USP9X: variants seen among roughly 807,000 people sequenced by gnomAD.
USP9X encodes the protein ubiquitin carboxyl-terminal hydrolase 9X.
In USP9X, 7 loss-of-function variants were observed where a neutral mutation model predicts 190.3. The ratio of observed to expected loss-of-function variants is 0.04; its 90% CI spans 0.02 to 0.07. The LOEUF (loss-of-function observed/expected upper bound fraction) is 0.07, where lower values mean the gene tolerates loss of function less well. Ranked by LOEUF, USP9X falls within the 10% of genes least tolerant of loss-of-function variation. USP9X has a pLI of 1.00. For synonymous variants in USP9X, 645 were observed against 659.5 expected (o/e 0.98, Z 0.34); for missense variants, 1,010 against 1,916.9 (o/e 0.53, Z 8.83).
Position 41,152,949 on chromosome X carries a change from C to G in USP9X, c.1765C>G (p.Gln589Glu). The G allele has an allele frequency of 8.3e-7, 1 of 1,207,448 alleles. No homozygotes were observed. Among genetic ancestry groups the G allele is most frequent in the Non-Finnish European group, 1.1e-6 (1 of 893,416 alleles). The change falls in exon 14 of 45, where the codon CAA becomes GAA. Residue 589 changes from glutamine to glutamate, a missense_variant and splice_region_variant. Coordinates refer to ENST00000378308, the MANE Select transcript of USP9X (RefSeq NM_001039591.3). ...LFGEAPQNLS[Q>E]TQRSPHVFYR... ...ATTGTTAAGTTCTTCTCGTTTCAGT[C>G]AAACTCAGCGAAGTCCCCATGTGTT...
At chrX:41,229,083 C>T (rs888876622) in intron 41 of USP9X, 170 bp from the exon 42 acceptor site, 16 of 342,386 alleles carry the variant, frequency 4.7e-5, no homozygotes, top group Non-Finnish European at 7.1e-5. Flanking sequence ...CAGCCCAGGC[C>T]GTCTCAAAAA....
At chrX:41,131,145 T>A (rs969613383) in intron 3 of USP9X, among the ~76,000 whole-genome samples, 1 of 111,077 alleles carries the variant, frequency 9.0e-6, no homozygotes, top group Non-Finnish European at 1.9e-5. Context: ...AACAAAAATA[T>A]CCATGATACC....
intron 14 of USP9X, among the ~76,000 whole-genome samples, chrX:41,159,785 A>T (rs2062612907): frequency 9.0e-6 from 1 of 111,109 alleles, no homozygotes. Context: ...CAGCCTCCCA[A>T]AGTGCTGGAA....
chrX:41,123,064 T>G (rs1334104989), intron 1 of USP9X, among the ~76,000 whole-genome samples: 1 of 111,757 alleles, frequency 8.9e-6, no homozygotes, highest in African/African-American at 3.3e-5. Context: ...ATGCCTGTTC[T>G]CATTTAGGGC....
At chrX:41,217,108 AG>A in intron 35 of USP9X, 111 bp from the exon 36 acceptor site, 1 of 859,571 alleles carries the variant, frequency 1.2e-6, no homozygotes, top group Non-Finnish European at 1.6e-6. Flanking sequence ...AAGTAGCCTG[AG>A]AAGGGTTCTT....
At chrX:41,125,398 G>A (rs1053567685) in intron 2 of USP9X, among the ~76,000 whole-genome samples, 6 of 107,645 alleles carry the variant, frequency 5.6e-5, no homozygotes, top group Admixed American at 2.0e-4. Flanking sequence ...TTTTTTAAGT[G>A]GAGGAATTTT....
rs371080380 is a variant in USP9X at position 41,217,233 on chromosome X, G to A, written c.6099G>A (p.Leu2033=). 4.2e-6 allele frequency: 5 copies of A among 1,204,016 alleles called. No individual in the cohort carries two copies. In the African/African-American group the frequency reaches 8.8e-5, roughly 21 times the overall value. Residue 2033 remains leucine, a synonymous_variant, in exon 36 of 45, where the codon CTG becomes CTA. Coordinates refer to ENST00000378308, the MANE Select transcript of USP9X (RefSeq NM_001039591.3). The part of the protein sequence containing the change: ...YLNPPPGQDH[L]LPEAEEITMI... ...TTTTATTTATAGGGCAAGATCACCT[G>A]TTGCCTGAAGCAGAAGAAATCACTA... is the stretch of plus-strand genomic sequence containing the variant.
Position 41,198,757 on chromosome X carries a change from A to G in USP9X, c.4603+7A>G, listed in dbSNP as rs771267138. On this transcript the variant is annotated splice_region_variant and intron_variant, in intron 30 of 44. Transcript: ENST00000378308. ...ATTGGCACAGCAATAACTAGTAAGT[A>G]TTTTTAATAGAATGTGATAATTGAT... 2.6e-6 allele frequency: 3 copies of G among 1,155,245 alleles called. No homozygotes were observed. The highest frequency in any genetic ancestry group is 3.8e-5 in the South Asian group (2 of 53,146).
chrX:41,218,662 C>T (rs1001468091), intron 37 of USP9X, 65 bp downstream of exon 37: 137 of 1,051,945 alleles, frequency 1.3e-4, no homozygotes, highest in Non-Finnish European at 1.7e-4. Flanking sequence ...TCCTGGAAGT[C>T]GAAGTCACAA....
At chrX:41,127,501 A>G (rs1445968359) in intron 2 of USP9X, among the ~76,000 whole-genome samples, 1 of 112,237 alleles carries the variant, frequency 8.9e-6, no homozygotes, top group Non-Finnish European at 1.9e-5. Context: ...CTACCTGTAT[A>G]TCAGGGGGCA....
Position 41,186,430 on chromosome X carries a change from A to C in USP9X, c.3559-87A>C, listed in dbSNP as rs1052901564. The C allele has an allele frequency of 9.4e-6, 10 of 1,061,593 alleles. No homozygotes were observed. In the African/African-American group the frequency reaches 1.7e-4, roughly 18 times the overall value. The allele number at this position is 1,061,593 out of a possible 1,213,427, so 87.5% of individuals were successfully genotyped here. On this transcript the variant is annotated intron_variant, in intron 23 of 44. Transcript: ENST00000378308. ...TGTATATGCAAGGAAGTCGTTCTGC[A>C]GGAGTGGGTGATGAATGAAGAGCAA...
chrX:41,235,846 C>T lies in USP9X; in HGVS notation c.*3322C>T, dbSNP rs1247479372. 1 of 111,479 alleles carries T rather than the reference C, an allele frequency of 9.0e-6. No homozygotes were observed. Among genetic ancestry groups the T allele is most frequent in the African/African-American group, 3.3e-5 (1 of 30,625 alleles). 9.2% of individuals were successfully genotyped at this position (111,479 alleles called of 1,213,427 possible). A position where few individuals can be genotyped will look rare whatever the true frequency, so the allele number is the denominator to read the frequency against. On this transcript the variant is annotated 3_prime_UTR_variant, in exon 45 of 45. Transcript: ENST00000378308. ...GTGAATAACTTAAATCCTTAATCCT[C>T]GTAGTGGTTAGAAAGATGAGGAGAC...
chrX:41,182,887 GGCT>G (rs1000022631), intron 21 of USP9X, among the ~76,000 whole-genome samples: 3 of 110,100 alleles, frequency 2.7e-5, no homozygotes, highest in South Asian at 3.8e-4. Context: ...GTAAGATAAT[GGCT>G]GCTATTTCTA....
rs1362501190 is a variant in USP9X at position 41,184,340 on chromosome X, T to C, written c.3280-57T>C. 4 of 1,131,754 alleles carry C rather than the reference T, an allele frequency of 3.5e-6. No individual in the cohort carries two copies. The Admixed American group carries it at 1.1e-4, about 32-fold the overall frequency. 93.3% of individuals were successfully genotyped at this position (1,131,754 alleles called of 1,213,427 possible). A position where few individuals can be genotyped will look rare whatever the true frequency, so the allele number is the denominator to read the frequency against. The stretch of plus-strand genomic sequence containing the variant: ...CACTGACAATAGTACAAATAGAAGT[T>C]ATTTTTTTTTTAAATCTTTTAATAC... On this transcript the variant is annotated intron_variant, in intron 22 of 44. Transcript: ENST00000378308.
At chrX:41,155,706 A>G (rs1415517881) in intron 14 of USP9X, among the ~76,000 whole-genome samples, 1 of 110,852 alleles carries the variant, frequency 9.0e-6, no homozygotes, top group Non-Finnish European at 1.9e-5. Flanking sequence ...CTCATTCCTT[A>G]CATCAACTAT....
At chrX:41,129,612 C>T (rs1162009508) in intron 3 of USP9X, among the ~76,000 whole-genome samples, 2 of 111,872 alleles carry the variant, frequency 1.8e-5, no homozygotes, top group South Asian at 7.4e-4. Flanking sequence ...AACAACCACC[C>T]TATCCCACCC....
chrX:41,135,276 C>G (rs2062361643), intron 5 of USP9X, among the ~76,000 whole-genome samples: 1 of 110,527 alleles, frequency 9.0e-6, no homozygotes, highest in Admixed American at 9.6e-5. Flanking sequence ...AGCAAAAAAT[C>G]CTGCATATCT....
intron 15 of USP9X, among the ~76,000 whole-genome samples, chrX:41,165,259 T>C (rs978802597): frequency 4.5e-5 from 5 of 112,007 alleles, no homozygotes; most frequent in African/African-American, 1.3e-4. Flanking sequence ...AAATTAGCCA[T>C]TGCCATCTTT....
At chrX:41,149,313 G>T (rs1383168983) in intron 12 of USP9X, among the ~76,000 whole-genome samples, 2 of 111,501 alleles carry the variant, frequency 1.8e-5, no homozygotes, top group African/African-American at 3.3e-5. Flanking sequence ...TGCTATCAGG[G>T]CTTTTAACTA....
Sources: gnomAD v4.1 joint callset for allele counts (sites outside exome capture counted in the v4.1 genomes callset) on GRCh38, gnomAD v4.1.1 for gene constraint, MANE v1.5 for transcripts, NCBI Gene and HGNC (gene_info 2026-07-23, HGNC 2026-07-21) for gene names.